The following TBX15 variants were observed in gnomAD, a reference collection of about 807,000 sequenced individuals.
TBX15 encodes T-box transcription factor 15, also known as T-box transcription factor TBX15.
A neutral mutation model predicts 53.9 loss-of-function variants in TBX15; 18 were observed. That is an observed-to-expected ratio of 0.33 (90% CI 0.23 to 0.49). The LOEUF (loss-of-function observed/expected upper bound fraction) is 0.49. Among genes scored for constraint, TBX15 ranks in the 20% least tolerant of loss-of-function variants. The pLI is 0.98. For missense variants in TBX15, 692 were observed against 749.5 expected, an observed-to-expected ratio of 0.92 and a Z score of 0.90; for synonymous variants, 295 against 278.0, an observed-to-expected ratio of 1.06 and a Z score of -0.61.
chr1:118,986,316 A>T (rs1395887898), intron 1 of TBX15, among the ~76,000 whole-genome samples: 1 of 152,202 alleles, frequency 6.6e-6, no homozygotes, highest in Admixed American at 6.5e-5. Context: ...ATACAGGAAA[A>T]GGCTTGGACG....
At chr1:118,989,001 G>A (rs905373368), upstream of TBX15, among the ~76,000 whole-genome samples, 2 of 152,218 alleles carry the variant, frequency 1.3e-5, no homozygotes, top group Non-Finnish European at 2.9e-5. Flanking sequence ...GGGCGGCGGA[G>A]CGCGGGGTTT....
At chr1:118,979,735 T>A (rs1366603386) in intron 1 of TBX15, among the ~76,000 whole-genome samples, 7 of 152,202 alleles carry the variant, frequency 4.6e-5, no homozygotes, top group African/African-American at 1.4e-4. Context: ...TAATTAGAGC[T>A]AAGAACAGCC....
At chr1:118,915,110 C>T (rs976535471) in intron 5 of TBX15, among the ~76,000 whole-genome samples, 6 of 152,146 alleles carry the variant, frequency 3.9e-5, no homozygotes, top group Admixed American at 1.3e-4. Context: ...CACTTTCAGC[C>T]TTGGTACCTT....
chr1:118,899,196 A>G, intron 6 of TBX15, 71 bp from the exon 7 acceptor site: 1 of 1,353,440 alleles, frequency 7.4e-7, no homozygotes, highest in Non-Finnish European at 1.1e-6. Flanking sequence ...TCAGAGATCC[A>G]GAGGTGGACT....
At position 118,930,394 on chromosome 1, in the gene TBX15, GTATT is replaced by G. The variant is rs200233991; in HGVS notation, c.419+1221_419+1224del. Among the ~76,000 whole-genome samples, 8 of 152,186 alleles carry G rather than the reference GTATT, an allele frequency of 5.3e-5. No individual in the cohort carries two copies. The South Asian group carries it at 1.5e-3, about 28-fold the overall frequency. On this transcript the variant is annotated intron_variant, in intron 2 of 7. Coordinates refer to ENST00000369429, the MANE Select transcript of TBX15 (RefSeq NM_001330677.2). ...ATATGCTGAAAAGCTTAGTCCAAAT[GTATT>G]TATTTATTTATTTGTTTGTTTATTT...
At chr1:118,887,336 T>C (rs1653980366) in intron 7 of TBX15, among the ~76,000 whole-genome samples, 1 of 152,170 alleles carries the variant, frequency 6.6e-6, no homozygotes, top group Admixed American at 6.5e-5. Flanking sequence ...ACTTTAGGTA[T>C]AAAAGAGCAG....
intron 7 of TBX15, among the ~76,000 whole-genome samples, chr1:118,893,711 T>A (rs1259516453): frequency 3.3e-5 from 5 of 152,174 alleles, no homozygotes; most frequent in African/African-American, 7.2e-5. Context: ...TTACAAAACT[T>A]ATTTTCTTCT....
intron 1 of TBX15, among the ~76,000 whole-genome samples, chr1:118,954,776 G>T (rs1436962356): frequency 6.6e-6 from 1 of 152,166 alleles, no homozygotes; most frequent in East Asian, 1.9e-4. Context: ...TTCATTCCAG[G>T]TTGGGGGATT....
chr1:118,960,329 G>C (rs546840173), intron 1 of TBX15, among the ~76,000 whole-genome samples: 1 of 152,182 alleles, frequency 6.6e-6, no homozygotes, highest in East Asian at 1.9e-4. Flanking sequence ...CTCTAGTTTC[G>C]AGAGCCCCAT....
intron 7 of TBX15, among the ~76,000 whole-genome samples, chr1:118,893,269 A>AGAAGGAAGGAAGGAAGGAAGGAAGGAAG (rs373917263): frequency 1.1e-4 from 7 of 61,084 alleles, no homozygotes; most frequent in Non-Finnish European, 1.4e-4. Context: ...AAAGAAAGGA[A>AGAAGGAAGGAAGGAAGGAAGGAAGGAAG]GAAGGAAGGA....
At chr1:118,967,683 G>T (rs1316448882) in intron 1 of TBX15, among the ~76,000 whole-genome samples, 1 of 152,150 alleles carries the variant, frequency 6.6e-6, no homozygotes, top group East Asian at 1.9e-4. Flanking sequence ...TATTCGATTT[G>T]GTGTTTCATT....
chr1:118,940,406 A>T (rs1171001276), intron 1 of TBX15, among the ~76,000 whole-genome samples: 2 of 151,966 alleles, frequency 1.3e-5, no homozygotes, highest in Admixed American at 1.3e-4. Flanking sequence ...GTCAATGTCA[A>T]ATCACCCTTT....
At chr1:118,931,948 G>T in intron 1 of TBX15, 116 bp from the exon 2 acceptor site, 1 of 974,936 alleles carries the variant, frequency 1.0e-6, no homozygotes, top group Non-Finnish European at 1.5e-6. Flanking sequence ...AACAAAAGGA[G>T]ACTTAAAGCT....
intron 1 of TBX15, among the ~76,000 whole-genome samples, chr1:118,974,668 T>C (rs1006056723): frequency 6.6e-6 from 1 of 152,288 alleles, no homozygotes; most frequent in East Asian, 1.9e-4. Flanking sequence ...GGTGTAAGTG[T>C]TCATTGAGAA....
chr1:118,935,338 A>G (rs1362706650), intron 1 of TBX15, among the ~76,000 whole-genome samples: 2 of 152,196 alleles, frequency 1.3e-5, no homozygotes, highest in African/African-American at 4.8e-5. Flanking sequence ...ATAATCAGTC[A>G]GTCCCTTAAA....
At chr1:118,912,988 A>G (rs1456803442) in intron 6 of TBX15, among the ~76,000 whole-genome samples, 1 of 152,040 alleles carries the variant, frequency 6.6e-6, no homozygotes, top group Admixed American at 6.5e-5. Context: ...TTTTATTCAA[A>G]TCTAAATATA....
In TBX15 at chr1:118,925,789, A is replaced by G. The variant is rs148728686; in HGVS notation, c.521+721T>C. ...TGCCATACTAGTCCTGGCCTTTTTC[A>G]TCAGCTCTTGCCTCCCTATTCATGG... On this transcript the variant is annotated intron_variant, in intron 3 of 7. Coordinates refer to ENST00000369429, the MANE Select transcript of TBX15 (RefSeq NM_001330677.2). Among the ~76,000 whole-genome samples, 130 of 152,220 alleles carry G rather than the reference A, an allele frequency of 8.5e-4. 1 individual carries two copies. Among genetic ancestry groups the G allele is most frequent in the African/African-American group, 2.9e-3 (119 of 41,538 alleles).
chr1:118,893,304 AGG>A (rs1200186764), intron 7 of TBX15, among the ~76,000 whole-genome samples: 87 of 135,134 alleles, frequency 6.4e-4, no homozygotes, highest in African/African-American at 2.0e-3. Context: ...GAAGGAAGGA[AGG>A]AAGGAAGGAA....
intron 2 of TBX15, among the ~76,000 whole-genome samples, chr1:118,927,052 A>G (rs1286704900): frequency 6.6e-6 from 1 of 152,196 alleles, no homozygotes; most frequent in Non-Finnish European, 1.5e-5. Context: ...TAGGTACTCT[A>G]AGCATATCAA....
Sources: gnomAD v4.1 joint callset for allele counts (sites outside exome capture counted in the v4.1 genomes callset) on GRCh38, gnomAD v4.1.1 for gene constraint, MANE v1.5 for transcripts, NCBI Gene and HGNC (gene_info 2026-07-23, HGNC 2026-07-21) for gene names.